The following CSMD1 variants were observed in gnomAD, a reference collection of about 807,000 sequenced individuals.
CSMD1 encodes CUB and Sushi multiple domains 1, also known as CUB and sushi domain-containing protein 1.
CSMD1 carries 213 observed loss-of-function variants against 417.5 expected under a neutral mutation model. The ratio of observed to expected loss-of-function variants is 0.51; its 90% CI spans 0.46 to 0.57. The LOEUF is 0.57. Among genes scored for constraint, CSMD1 ranks in the 20% least tolerant of loss-of-function variants. CSMD1 has a pLI of 0.00. For missense variants in CSMD1, 6,923 were observed against 4,529.7 expected (o/e 1.53, Z -15.17); for synonymous variants, 2,862 against 1,736.8 (o/e 1.65, Z -16.11).
chr8:2,955,605 C>T lies in CSMD1; in HGVS notation c.9978G>A (p.Lys3326=). Residue 3326 remains lysine, a synonymous_variant, in exon 64 of 70, where the codon AAG becomes AAA. Transcript: ENST00000635120. ...TCKADMKWTG[K]SPVCKSKGVR... ...ATGACTTACTTTTACACACAGGCGA[C>T]TTTCCTGTCCATTTCATGTCTGCTT... 1 of 1,613,658 alleles carries T rather than the reference C, an allele frequency of 6.2e-7. No homozygotes were observed. The highest frequency in any genetic ancestry group is 8.5e-7 in the Non-Finnish European group (1 of 1,179,706).
chr8:3,237,038 C>A (rs912754801), intron 26 of CSMD1, among the ~76,000 whole-genome samples: 2 of 151,992 alleles, frequency 1.3e-5, no homozygotes. Flanking sequence ...ACCTGCGCTG[C>A]CCTTCACAAA....
chr8:2,955,824 G>T, intron 63 of CSMD1, 56 bp from the exon 64 acceptor site: 2 of 1,508,088 alleles, frequency 1.3e-6, no homozygotes, highest in Non-Finnish European at 1.8e-6. Context: ...TAGCACATGT[G>T]TCTAGAGAAA....
chr8:3,863,906 G>T (rs192322777), intron 5 of CSMD1, among the ~76,000 whole-genome samples: 1 of 151,998 alleles, frequency 6.6e-6, no homozygotes, highest in African/African-American at 2.4e-5. Context: ...AAACTGACAC[G>T]TATCCTTTAG....
At chr8:4,089,342 G>A (rs138851975) in intron 3 of CSMD1, among the ~76,000 whole-genome samples, 15 of 152,288 alleles carry the variant, frequency 9.8e-5, no homozygotes, top group African/African-American at 3.6e-4. Flanking sequence ...TCGGTATGGG[G>A]GAAAGCACAG....
chr8:3,565,007 G>A (rs2116884718), intron 10 of CSMD1, among the ~76,000 whole-genome samples: 1 of 131,174 alleles, frequency 7.6e-6, no homozygotes, highest in South Asian at 2.4e-4. Flanking sequence ...TAGGTGATGG[G>A]AAGCAAAGCA....
At chr8:4,402,160 A>T (rs1296546425) in intron 3 of CSMD1, among the ~76,000 whole-genome samples, 3 of 152,030 alleles carry the variant, frequency 2.0e-5, no homozygotes, top group Non-Finnish European at 2.9e-5. Flanking sequence ...GACCAGCCCT[A>T]ATACCAACCA....
At chr8:3,803,800 A>C (rs375213236) in intron 5 of CSMD1, among the ~76,000 whole-genome samples, 3 of 152,208 alleles carry the variant, frequency 2.0e-5, no homozygotes, top group East Asian at 3.9e-4. Flanking sequence ...CTTTCTGCCT[A>C]CTATGTGGAG....
intron 2 of CSMD1, 99 bp from the exon 3 acceptor site, chr8:4,420,164 T>C (rs1585046842): frequency 1.1e-5 from 8 of 735,222 alleles, no homozygotes; most frequent in South Asian, 1.6e-5. Flanking sequence ...CAGTGGTATA[T>C]TCACTTGAAA....
intron 3 of CSMD1, among the ~76,000 whole-genome samples, chr8:4,325,363 T>C (rs540204512): frequency 6.6e-6 from 1 of 152,234 alleles, no homozygotes; most frequent in African/African-American, 2.4e-5. Flanking sequence ...AAGTCTTAGA[T>C]AATCCCAAGA....
At chr8:4,325,186 A>T (rs73660747) in intron 3 of CSMD1, among the ~76,000 whole-genome samples, 1,752 of 152,278 alleles carry the variant, frequency 0.012, 32 homozygotes, top group African/African-American at 0.039. Flanking sequence ...ATAACAAAGG[A>T]AACTGTCATG....
chr8:3,170,083 C>A (rs1395623857), intron 37 of CSMD1, among the ~76,000 whole-genome samples: 1 of 152,262 alleles, frequency 6.6e-6, no homozygotes, highest in African/African-American at 2.4e-5. Flanking sequence ...CTCTCCTTTG[C>A]GGCGCTGCTG....
intron 2 of CSMD1, among the ~76,000 whole-genome samples, chr8:4,480,187 C>CAAA (rs763375040): frequency 0.021 from 2,195 of 103,628 alleles, 77 homozygotes; most frequent in African/African-American, 0.066. Context: ...TGTTATCTCA[C>CAAA]AAAAAAAAAA....
At chr8:3,956,220 G>A (rs753198138) in intron 5 of CSMD1, among the ~76,000 whole-genome samples, 13 of 152,080 alleles carry the variant, frequency 8.5e-5, no homozygotes, top group African/African-American at 2.2e-4. Flanking sequence ...AGCATATAAT[G>A]TGCCAGGTGG....
chr8:4,196,469 G>A (rs966037812), intron 3 of CSMD1, among the ~76,000 whole-genome samples: 4 of 152,092 alleles, frequency 2.6e-5, no homozygotes, highest in East Asian at 1.9e-4. Context: ...GTCCAATGCC[G>A]ATTCAGGTGC....
At chr8:4,494,316 T>G (rs1801870340) in intron 2 of CSMD1, among the ~76,000 whole-genome samples, 1 of 152,224 alleles carries the variant, frequency 6.6e-6, no homozygotes, top group South Asian at 2.1e-4. Context: ...GGTTAGTAGT[T>G]ATTTTCATGG....
At chr8:3,019,274 A>T (rs1256692689) in intron 51 of CSMD1, among the ~76,000 whole-genome samples, 1 of 152,212 alleles carries the variant, frequency 6.6e-6, no homozygotes, top group Non-Finnish European at 1.5e-5. Flanking sequence ...ATTCTTGAAA[A>T]AATACACAGT....
chr8:3,787,127 G>C (rs958152819), intron 5 of CSMD1, among the ~76,000 whole-genome samples: 7 of 151,998 alleles, frequency 4.6e-5, no homozygotes, highest in Non-Finnish European at 1.0e-4. Context: ...CAAGAGGAAG[G>C]GTAGTCAAAA....
intron 3 of CSMD1, among the ~76,000 whole-genome samples, chr8:4,409,755 A>C (rs573968013): frequency 2.0e-5 from 3 of 152,038 alleles, no homozygotes; most frequent in East Asian, 3.9e-4. Flanking sequence ...CACAGGGCAT[A>C]ACTGTTCCAG....
At chr8:3,723,806 G>A (rs886192150) in intron 6 of CSMD1, among the ~76,000 whole-genome samples, 6 of 152,058 alleles carry the variant, frequency 3.9e-5, no homozygotes, top group African/African-American at 7.2e-5. Flanking sequence ...CAAAATGACC[G>A]CAACTTACTG....
Sources: allele counts gnomAD v4.1 joint callset (sites outside exome capture counted in the v4.1 genomes callset), GRCh38; gene constraint gnomAD v4.1.1; transcripts MANE v1.5; gene names NCBI Gene and HGNC (gene_info 2026-07-23, HGNC 2026-07-21).